The following RUNX1T1 variants were observed in gnomAD, a reference collection of about 807,000 sequenced individuals.
The protein encoded by RUNX1T1 is RUNX1 partner transcriptional co-repressor 1.
In RUNX1T1, 4 loss-of-function variants were observed where a neutral mutation model predicts 62.8. The ratio of observed to expected loss-of-function variants is 0.06; its 90% CI spans 0.03 to 0.15. RUNX1T1 has a LOEUF of 0.15. Among genes scored for constraint, RUNX1T1 ranks in the 10% least tolerant of loss-of-function variants. The pLI, the probability that RUNX1T1 is intolerant of heterozygous loss-of-function variation, is 1.00. For synonymous variants in RUNX1T1, 291 were observed against 286.0 expected, an observed-to-expected ratio of 1.02 and a Z score of -0.18; for missense variants, 508 against 754.3, an observed-to-expected ratio of 0.67 and a Z score of 3.82.
chr8:92,100,996 C>T (rs1019329723), upstream of RUNX1T1, among the ~76,000 whole-genome samples: 18 of 152,298 alleles, frequency 1.2e-4, no homozygotes, highest in African/African-American at 4.3e-4. Flanking sequence ...GCCCCCAACA[C>T]TAACAAACCG....
At chr8:92,044,779 G>T (rs1829091408) in intron 1 of RUNX1T1, among the ~76,000 whole-genome samples, 1 of 152,158 alleles carries the variant, frequency 6.6e-6, no homozygotes, top group South Asian at 2.1e-4. Flanking sequence ...CAAGTAAAAG[G>T]AGGGAAGATG....
At chr8:92,044,366 C>T (rs1297390824) in intron 1 of RUNX1T1, among the ~76,000 whole-genome samples, 1 of 152,176 alleles carries the variant, frequency 6.6e-6, no homozygotes, top group Non-Finnish European at 1.5e-5. Context: ...GTGACTTCTG[C>T]AAGTTCTCAC....
intron 1 of RUNX1T1, chr8:92,095,667 AGGCAGGAG>A (rs1158593733): frequency 1.5e-5 from 13 of 848,732 alleles, no homozygotes; most frequent in Non-Finnish European, 1.9e-5. Context: ...GGAGAGACAC[AGGCAGGAG>A]GGAAGGAGGG....
intron 1 of RUNX1T1, among the ~76,000 whole-genome samples, chr8:92,022,373 G>A (rs376497850): frequency 5.1e-4 from 78 of 152,240 alleles, no homozygotes; most frequent in Middle Eastern, 3.4e-3. Context: ...ATAGAATGAC[G>A]TCTCACCTCA....
At chr8:92,020,026 T>C (rs1158158114) in intron 1 of RUNX1T1, among the ~76,000 whole-genome samples, 1 of 152,198 alleles carries the variant, frequency 6.6e-6, no homozygotes, top group Non-Finnish European at 1.5e-5. Context: ...ATTAGCCAAA[T>C]TTCTGCAATG....
chr8:91,991,013 A>C (rs1292074597), intron 6 of RUNX1T1, among the ~76,000 whole-genome samples: 5 of 152,236 alleles, frequency 3.3e-5, no homozygotes, highest in Non-Finnish European at 7.3e-5. Flanking sequence ...ACAGGGAAAT[A>C]GAACACATAT....
intron 10 of RUNX1T1, 82 bp downstream of exon 11, chr8:91,970,576 A>C: frequency 7.9e-7 from 1 of 1,273,664 alleles, no homozygotes; most frequent in Non-Finnish European, 1.1e-6. Context: ...TATTTATCTA[A>C]AGTGATCACC....
At chr8:92,012,261 G>A (rs1294896323) in intron 3 of RUNX1T1, among the ~76,000 whole-genome samples, 1 of 151,940 alleles carries the variant, frequency 6.6e-6, no homozygotes, top group Non-Finnish European at 1.5e-5. Context: ...CAGTACTTCC[G>A]GTCCAGTGCA....
intron 3 of RUNX1T1, among the ~76,000 whole-genome samples, chr8:92,011,859 T>C (rs2131103554): frequency 6.6e-6 from 1 of 152,318 alleles, no homozygotes; most frequent in South Asian, 2.1e-4. Flanking sequence ...ATAATGTGTG[T>C]TGGTAAAAGC....
rs368958315 is a variant in RUNX1T1 at position 92,033,582 on chromosome 8, C to T, written c.8-16219G>A. 7.2e-5 allele frequency among the ~76,000 whole-genome samples: 11 copies of T among 152,302 alleles called. No homozygotes were observed. The South Asian group carries it at 1.2e-3, about 17-fold the overall frequency. ...GGCTGATCACTTGAGCCCAGGAGTTCAAGACCAGCCTGGCCAACATGGCAA... is the reference window on the plus strand; with the variant it reads ...GGCTGATCACTTGAGCCCAGGAGTTTAAGACCAGCCTGGCCAACATGGCAA... On this transcript the variant is annotated intron_variant, in intron 1 of 10. Coordinates refer to ENST00000396218, the Ensembl canonical transcript of RUNX1T1.
chr8:92,067,116 G>C (rs1832989199), upstream of RUNX1T1, among the ~76,000 whole-genome samples: 1 of 152,160 alleles, frequency 6.6e-6, no homozygotes, highest in Non-Finnish European at 1.5e-5. Context: ...GAGGTTAAAG[G>C]TTTATTTAGG....
At chr8:91,994,537 G>A in intron 5 of RUNX1T1, 1 of 488,008 alleles carries the variant, frequency 2.0e-6, no homozygotes, top group Non-Finnish European at 4.1e-6. Context: ...GGAATCAAGA[G>A]ACCTGAGATC....
intron 1 of RUNX1T1, among the ~76,000 whole-genome samples, chr8:92,077,651 A>G (rs572060585): frequency 6.6e-6 from 1 of 152,116 alleles, no homozygotes. Context: ...ATCATAATAT[A>G]TATTTTGTGC....
intron 1 of RUNX1T1, among the ~76,000 whole-genome samples, chr8:92,059,508 G>T (rs1279195826): frequency 6.6e-6 from 1 of 152,062 alleles, no homozygotes; most frequent in Non-Finnish European, 1.5e-5. Flanking sequence ...AAATAATAAA[G>T]TCCATGTTTT....
intron 2 of RUNX1T1, among the ~76,000 whole-genome samples, chr8:92,016,415 G>A (rs1024728513): frequency 6.6e-6 from 1 of 152,256 alleles, no homozygotes; most frequent in African/African-American, 2.4e-5. Flanking sequence ...GGTGGCTCAC[G>A]CCTGTAATCC....
intron 1 of RUNX1T1, among the ~76,000 whole-genome samples, chr8:92,098,006 T>G (rs989613884): frequency 6.6e-6 from 1 of 152,232 alleles, no homozygotes; most frequent in African/African-American, 2.4e-5. Flanking sequence ...AATCTTAATT[T>G]CAACTAGTTC....
intron 4 of RUNX1T1, chr8:92,006,149 G>A (rs1358321735): frequency 2.0e-5 from 3 of 152,164 alleles, no homozygotes; most frequent in Admixed American, 6.5e-5. Context: ...TAATAAGAGA[G>A]AAAGAGGCAA....
intron 5 of RUNX1T1, chr8:92,004,602 T>C (rs938942769): frequency 2.0e-5 from 3 of 152,400 alleles, no homozygotes; most frequent in African/African-American, 7.2e-5. Context: ...ATAACTCTTA[T>C]CTTCACTCAG....
rs372891966 is a variant in RUNX1T1, at chr8:91,960,479, G to A, written c.1497C>T (p.Cys499=). 4 of 1,614,094 alleles carry A rather than the reference G, an allele frequency of 2.5e-6. No homozygotes were observed. The African/African-American group carries it at 4.0e-5, about 16-fold the overall frequency. The change falls in exon 11 of 11, where the codon TGC becomes TGT. Residue 499 remains cysteine (C), a synonymous_variant. Coordinates refer to ENST00000396218, the Ensembl canonical transcript of RUNX1T1. ...AGTATCGGGCTGTGTTACAGCCACT[G>A]CAGGTTTCACTCGCTTTACGGCCAC...
Sources: gnomAD v4.1 joint callset for allele counts (sites outside exome capture counted in the v4.1 genomes callset) on GRCh38, gnomAD v4.1.1 for gene constraint, MANE v1.5 for transcripts, NCBI Gene and HGNC (gene_info 2026-07-23, HGNC 2026-07-21) for gene names.